Variants in MGAT4C observed in about 807,000 individuals in gnomAD.
The protein encoded by MGAT4C is alpha-1,3-mannosyl-glycoprotein 4-beta-N-acetylglucosaminyltransferase C.
In MGAT4C, 19 loss-of-function variants were observed where a neutral mutation model predicts 40.1. The ratio of observed to expected loss-of-function variants is 0.47; its 90% CI spans 0.33 to 0.70. MGAT4C has a LOEUF of 0.70. Among genes scored for constraint, MGAT4C ranks in the 30% least tolerant of loss-of-function variants. MGAT4C has a pLI of 0.02. For missense variants in MGAT4C, 491 were observed against 563.2 expected, an observed-to-expected ratio of 0.87 and a Z score of 1.30; for synonymous variants, 181 against 187.1, an observed-to-expected ratio of 0.97 and a Z score of 0.27.
chr12:86,563,585 C>G (rs1959963354), intron 2 of MGAT4C, among the ~76,000 whole-genome samples: 1 of 152,090 alleles, frequency 6.6e-6, no homozygotes, highest in Non-Finnish European at 1.5e-5. Context: ...GAGGAAGGAC[C>G]CAATTACACT....
At chr12:86,630,152 G>A (rs989875018) in intron 2 of MGAT4C, among the ~76,000 whole-genome samples, 1 of 152,112 alleles carries the variant, frequency 6.6e-6, no homozygotes, top group Non-Finnish European at 1.5e-5. Flanking sequence ...AGAAAATCTA[G>A]AAGAAATGGA....
chr12:86,643,987 GT>G (rs1246470808), intron 2 of MGAT4C, among the ~76,000 whole-genome samples: 1 of 151,714 alleles, frequency 6.6e-6, no homozygotes, highest in Non-Finnish European at 1.5e-5. Context: ...GGAATTTAAG[GT>G]TAACTGTAAA....
intron 4 of MGAT4C, among the ~76,000 whole-genome samples, chr12:86,317,900 T>C (rs1208298769): frequency 6.6e-6 from 1 of 151,570 alleles, no homozygotes; most frequent in Admixed American, 6.6e-5. Flanking sequence ...TTTTTAAATA[T>C]GATATTTTAA....
chr12:86,833,066 AT>A (rs1291544511), intron 1 of MGAT4C, among the ~76,000 whole-genome samples: 1 of 151,978 alleles, frequency 6.6e-6, no homozygotes, highest in Non-Finnish European at 1.5e-5. Context: ...GTCTAGTTAC[AT>A]TTTTTAGGCT....
chr12:86,387,224 G>T (rs542327561), intron 3 of MGAT4C, among the ~76,000 whole-genome samples: 1 of 152,110 alleles, frequency 6.6e-6, no homozygotes, highest in South Asian at 2.1e-4. Flanking sequence ...AAATTTTACT[G>T]CATACTTACT....
intron 1 of MGAT4C, among the ~76,000 whole-genome samples, chr12:86,227,572 A>G (rs1188305729): frequency 2.0e-5 from 3 of 151,950 alleles, no homozygotes; most frequent in African/African-American, 7.2e-5. Context: ...TATAAAACAC[A>G]TTTTCATATT....
chr12:86,408,994 G>T (rs1180068614), intron 3 of MGAT4C, among the ~76,000 whole-genome samples: 1 of 151,974 alleles, frequency 6.6e-6, no homozygotes, highest in Non-Finnish European at 1.5e-5. Context: ...TTCTTATGAT[G>T]CCCCCAGAGT....
chr12:85,988,605 T>G (rs2136713789), intron 3 of MGAT4C, among the ~76,000 whole-genome samples: 2 of 152,086 alleles, frequency 1.3e-5, no homozygotes, highest in East Asian at 1.9e-4. Context: ...GACAGATATT[T>G]TAGGCTCCAT....
intron 4 of MGAT4C, among the ~76,000 whole-genome samples, chr12:86,312,414 T>C (rs990593415): frequency 6.6e-6 from 1 of 152,172 alleles, no homozygotes; most frequent in South Asian, 2.1e-4. Flanking sequence ...TCACTTTAGT[T>C]TTCTCGCACA....
intron 2 of MGAT4C, among the ~76,000 whole-genome samples, chr12:86,518,637 A>C (rs2136356512): frequency 6.6e-6 from 1 of 152,340 alleles, no homozygotes; most frequent in Middle Eastern, 3.4e-3. Context: ...GCTTTTAGAA[A>C]GTTTAACATA....
At chr12:86,687,425 T>C (rs1438753054) in intron 2 of MGAT4C, among the ~76,000 whole-genome samples, 1 of 152,138 alleles carries the variant, frequency 6.6e-6, no homozygotes, top group Non-Finnish European at 1.5e-5. Context: ...TTAAGTGTGA[T>C]GTTAGGGTGT....
chr12:86,310,238 C>A (rs1298285028), intron 4 of MGAT4C, among the ~76,000 whole-genome samples: 1 of 151,548 alleles, frequency 6.6e-6, no homozygotes, highest in African/African-American at 2.4e-5. Flanking sequence ...GCCAGTGTTT[C>A]ATTTCTTTTT....
chr12:86,209,649 G>T (rs1291735400), intron 1 of MGAT4C, among the ~76,000 whole-genome samples: 1 of 152,084 alleles, frequency 6.6e-6, no homozygotes, highest in East Asian at 1.9e-4. Context: ...TTTAATAAAA[G>T]ATTCTGTATT....
At chr12:86,151,132 T>A (rs956270791) in intron 1 of MGAT4C, among the ~76,000 whole-genome samples, 1 of 152,098 alleles carries the variant, frequency 6.6e-6, no homozygotes, top group East Asian at 1.9e-4. Context: ...AATATTCTTA[T>A]CAGTAGTATA....
chr12:86,047,082 A>C (rs567057108), intron 2 of MGAT4C, among the ~76,000 whole-genome samples: 2 of 152,292 alleles, frequency 1.3e-5, no homozygotes, highest in African/African-American at 2.4e-5. Flanking sequence ...AAATCGCCAA[A>C]ACAAAGCCCT....
At position 85,963,979 on chromosome 12, in the gene MGAT4C, A is replaced by G. The variant is rs1020007652; in HGVS notation, c.*15310T>C. 6.6e-6 allele frequency: 1 copy of G among 152,044 alleles called. No homozygotes were observed. Among genetic ancestry groups the G allele is most frequent in the African/African-American group, 2.4e-5 (1 of 41,436 alleles). 9.4% of individuals were successfully genotyped at this position (152,044 alleles called of 1,614,324 possible). A position where few individuals can be genotyped will look rare whatever the true frequency, so the allele number is the denominator to read the frequency against. On this transcript the variant is annotated 3_prime_UTR_variant, in exon 5 of 5. Transcript: ENST00000611864. ...TAGTATCACCCCAAAGTGATAGTCA[A>G]AAGTACCTATGTTTGCCTAGTTCTC... is the stretch of plus-strand genomic sequence containing the variant.
chr12:86,607,164 CT>C (rs1202071964), intron 2 of MGAT4C, among the ~76,000 whole-genome samples: 1 of 151,880 alleles, frequency 6.6e-6, no homozygotes, highest in African/African-American at 2.4e-5. Context: ...TGCTATTTAG[CT>C]CTTCTAGAAA....
At chr12:86,284,783 C>T (rs1486944687) in intron 4 of MGAT4C, among the ~76,000 whole-genome samples, 1 of 151,950 alleles carries the variant, frequency 6.6e-6, no homozygotes, top group South Asian at 2.1e-4. Flanking sequence ...AGCCTTCTCC[C>T]ATGTGCAAAC....
intron 2 of MGAT4C, among the ~76,000 whole-genome samples, chr12:86,502,508 T>G (rs1415778788): frequency 6.6e-6 from 1 of 151,738 alleles, no homozygotes; most frequent in Non-Finnish European, 1.5e-5. Flanking sequence ...TGGACTTTGG[T>G]CAATAATAGC....
Sources: gnomAD v4.1 joint callset for allele counts (sites outside exome capture counted in the v4.1 genomes callset) on GRCh38, gnomAD v4.1.1 for gene constraint, MANE v1.5 for transcripts, NCBI Gene and HGNC (gene_info 2026-07-23, HGNC 2026-07-21) for gene names.